The following VDAC1 variants were observed in gnomAD, a reference collection of about 807,000 sequenced individuals.
VDAC1 encodes voltage dependent anion channel 1.
A neutral mutation model predicts 34.7 loss-of-function variants in VDAC1; 10 were observed. The observed-to-expected ratio is 0.29, with a 90% confidence interval of 0.18 to 0.49. The LOEUF (loss-of-function observed/expected upper bound fraction) is 0.49, where lower values mean the gene tolerates loss of function less well. Among genes scored for constraint, VDAC1 ranks in the 20% least tolerant of loss-of-function variants. VDAC1 has a pLI of 0.99. For synonymous variants in VDAC1, 130 were observed against 136.0 expected, an observed-to-expected ratio of 0.96 and a Z score of 0.30; for missense variants, 230 against 347.9, an observed-to-expected ratio of 0.66 and a Z score of 2.69.
chr5:134,004,023 C>A (rs1753660842), intron 1 of VDAC1, among the ~76,000 whole-genome samples: 1 of 152,248 alleles, frequency 6.6e-6, no homozygotes, highest in East Asian at 1.9e-4. Context: ...TCAGCCCAGG[C>A]CCGAGCTCCG....
At chr5:134,109,127 TGATC>T in the VDAC1 span, among the ~76,000 whole-genome samples, 121,165 of 151,712 alleles carry the variant, frequency 0.8, 48,720 homozygotes, top group Non-Finnish European at 0.86. Context: ...CTGCTATGGA[TGATC>T]GATCCATCCT....
the VDAC1 span, among the ~76,000 whole-genome samples, chr5:134,017,720 T>C: frequency 6.6e-6 from 1 of 152,030 alleles, no homozygotes; most frequent in East Asian, 1.9e-4. Flanking sequence ...AAGACCATCC[T>C]GGCTAACACG....
chr5:134,041,554 A>G, the VDAC1 span, among the ~76,000 whole-genome samples: 1 of 152,190 alleles, frequency 6.6e-6, no homozygotes, highest in Admixed American at 6.5e-5. Context: ...TGTGAGTGGC[A>G]TGGGACTCTG....
rs527396344 is a variant in VDAC1 at position 133,976,451 on chromosome 5, G to A, written c.552-430C>T. ...ACCTGGGAGGCAGAGGTTGCAGTAA[G>A]CCGAGATCGCGCCACTGCACTCCAG... On this transcript the variant is annotated intron_variant, in intron 6 of 8. Coordinates refer to ENST00000265333, the MANE Select transcript of VDAC1 (RefSeq NM_003374.3). 424 of 166,490 alleles carry A rather than the reference G, an allele frequency of 2.5e-3. 1 individual carries two copies. Among genetic ancestry groups the A allele is most frequent in the Non-Finnish European group, 1.9e-3 (146 of 77,032 alleles). The allele number at this position is 166,490 out of a possible 1,614,324, so 10.3% of individuals were successfully genotyped here. A position where few individuals can be genotyped will look rare whatever the true frequency, so the allele number is the denominator to read the frequency against.
the VDAC1 span, among the ~76,000 whole-genome samples, chr5:134,029,742 T>C: frequency 6.6e-6 from 1 of 152,338 alleles, no homozygotes; most frequent in East Asian, 1.9e-4. Context: ...GATTAGTGGT[T>C]ACCAAGGGTT....
At chr5:134,009,568 A>G (rs142287659), upstream of VDAC1, among the ~76,000 whole-genome samples, 440 of 151,910 alleles carry the variant, frequency 2.9e-3, 4 homozygotes, top group African/African-American at 1.0e-2. Context: ...GAATTGATCA[A>G]TTCTTATAAA....
the VDAC1 span, among the ~76,000 whole-genome samples, chr5:134,074,345 TAAATAAATA>T: frequency 6.6e-6 from 1 of 150,600 alleles, no homozygotes; most frequent in African/African-American, 2.4e-5. Flanking sequence ...AATAAATAAA[TAAATAAATA>T]AAAGCTTTGA....
chr5:134,086,318 G>A, the VDAC1 span, among the ~76,000 whole-genome samples: 1 of 152,232 alleles, frequency 6.6e-6, no homozygotes, highest in Non-Finnish European at 1.5e-5. Context: ...CTACTGTGAT[G>A]TAATGGCTCC....
chr5:133,993,446 T>C (rs531715442), intron 1 of VDAC1, among the ~76,000 whole-genome samples: 30 of 152,368 alleles, frequency 2.0e-4, no homozygotes, highest in African/African-American at 7.0e-4. Flanking sequence ...ATGTACCGAA[T>C]AGAAATCAGA....
chr5:134,036,005 C>CAA, the VDAC1 span, among the ~76,000 whole-genome samples: 30 of 92,766 alleles, frequency 3.2e-4, 1 homozygote, highest in African/African-American at 9.7e-4. Flanking sequence ...GACTCCATCT[C>CAA]AAAAAAAAAA....
chr5:134,040,383 TG>T, the VDAC1 span, among the ~76,000 whole-genome samples: 3 of 152,222 alleles, frequency 2.0e-5, no homozygotes, highest in African/African-American at 7.2e-5. Context: ...GAAACCAGCC[TG>T]GCCAACATAG....
chr5:134,079,758 C>T, the VDAC1 span, among the ~76,000 whole-genome samples: 1 of 152,328 alleles, frequency 6.6e-6, no homozygotes, highest in Middle Eastern at 3.4e-3. Context: ...CCCAGGCCTT[C>T]CCAGGTGAGT....
At chr5:134,038,458 A>C in the VDAC1 span, among the ~76,000 whole-genome samples, 20 of 152,296 alleles carry the variant, frequency 1.3e-4, no homozygotes, top group Admixed American at 4.6e-4. Context: ...GGCAGAGCAT[A>C]CAGGGTTTTG....
chr5:134,010,823 T>C, the VDAC1 span, among the ~76,000 whole-genome samples: 2 of 152,122 alleles, frequency 1.3e-5, no homozygotes, highest in Admixed American at 6.6e-5. Context: ...TTCATTGGGA[T>C]AGGATTGCAT....
chr5:134,089,209 G>A, the VDAC1 span, among the ~76,000 whole-genome samples: 1 of 152,216 alleles, frequency 6.6e-6, no homozygotes, highest in Non-Finnish European at 1.5e-5. Context: ...GCAAAGCTTT[G>A]CATAGGGGCA....
intron 5 of VDAC1, chr5:133,989,322 A>G (rs556646749): frequency 2.6e-5 from 4 of 151,918 alleles, no homozygotes; most frequent in Non-Finnish European, 5.9e-5. Context: ...TTAACTACAC[A>G]CTTAAAGATG....
chr5:134,055,602 T>TG, the VDAC1 span, among the ~76,000 whole-genome samples: 1 of 139,934 alleles, frequency 7.1e-6, no homozygotes, highest in African/African-American at 2.7e-5. Flanking sequence ...TTTTTTTTTT[T>TG]TTTTTTTTTT....
chr5:133,972,822 G>T lies in VDAC1; in HGVS notation c.801C>A (p.Asn267Lys), dbSNP rs748447031. ...LTLSALLDGK[N>K]VNAGGHKLGL... ...CAAGCTTGTGGCCACCAGCATTGAC[G>T]TTCTTGCCATCCAGAAGAGCTGACA... Residue 267 changes from asparagine (N) to lysine (K), a missense_variant, in exon 9 of 9, where the codon AAC (asparagine) becomes AAA (lysine). Asn to Lys is a moderately conservative substitution (Grantham distance 94). Coordinates refer to ENST00000265333, the MANE Select transcript of VDAC1 (RefSeq NM_003374.3). 1 of 1,613,782 alleles carries T rather than the reference G, an allele frequency of 6.2e-7. No individual in the cohort carries two copies. The highest frequency in any genetic ancestry group is 8.5e-7 in the Non-Finnish European group (1 of 1,179,738).
At chr5:134,088,656 G>T in the VDAC1 span, among the ~76,000 whole-genome samples, 2 of 152,192 alleles carry the variant, frequency 1.3e-5, no homozygotes, top group South Asian at 4.1e-4. Context: ...ATAACTTAAT[G>T]AATTATGACA....
Sources: allele counts gnomAD v4.1 joint callset (sites outside exome capture counted in the v4.1 genomes callset), GRCh38; gene constraint gnomAD v4.1.1; transcripts MANE v1.5; gene names NCBI Gene and HGNC (gene_info 2026-07-23, HGNC 2026-07-21).